Variants in STK32B observed in about 807,000 individuals in gnomAD.
STK32B encodes the protein serine/threonine-protein kinase 32B.
In STK32B, 43 loss-of-function variants were observed where a neutral mutation model predicts 52.6. That is an observed-to-expected ratio of 0.82 (90% CI 0.64 to 1.05). STK32B has a LOEUF of 1.05. Ranked by LOEUF, STK32B falls within the 50% of genes least tolerant of loss-of-function variation. The pLI is 0.00. For synonymous variants in STK32B, 238 were observed against 204.3 expected (o/e 1.17, Z -1.41); for missense variants, 621 against 534.6 (o/e 1.16, Z -1.59).
At position 5,246,738 on chromosome 4, in the gene STK32B, C is replaced by T. The variant is rs140846179; in HGVS notation, c.260+78288C>T. Among the ~76,000 whole-genome samples, 286 of 152,304 alleles carry T rather than the reference C, an allele frequency of 1.9e-3. 6 individuals carry two copies. Among genetic ancestry groups the T allele is most frequent in the Admixed American group, 0.015 (229 of 15,300 alleles). On this transcript the variant is annotated intron_variant, in intron 3 of 11. Transcript: ENST00000282908. ...TTTGGTCTTTGATGATGGTGACATA[C>T]ATACGGGTTTTTGGTGTGGATGTCC...
intron 3 of STK32B, among the ~76,000 whole-genome samples, chr4:5,240,793 A>T (rs1186016419): frequency 6.6e-6 from 1 of 152,090 alleles, no homozygotes; most frequent in African/African-American, 2.4e-5. Context: ...TTCTGCTTTG[A>T]TGATTGTGCT....
intron 5 of STK32B, among the ~76,000 whole-genome samples, chr4:5,404,471 C>T (rs1019512586): frequency 1.3e-5 from 2 of 152,068 alleles, no homozygotes; most frequent in Admixed American, 6.5e-5. Flanking sequence ...TATTAGTTAT[C>T]CCTCAATCAA....
At chr4:5,447,777 G>T (rs78972239) in intron 7 of STK32B, among the ~76,000 whole-genome samples, 2 of 152,198 alleles carry the variant, frequency 1.3e-5, no homozygotes, top group Non-Finnish European at 1.5e-5. Flanking sequence ...GATCCTTTCT[G>T]TCTATTTAGC....
chr4:5,448,290 C>T (rs942599248), intron 7 of STK32B, among the ~76,000 whole-genome samples: 5 of 152,204 alleles, frequency 3.3e-5, no homozygotes, highest in Admixed American at 1.3e-4. Context: ...CTGTGAGCTG[C>T]TGCGGGGCTG....
At chr4:5,263,851 C>T (rs1577263430) in intron 3 of STK32B, among the ~76,000 whole-genome samples, 1 of 152,286 alleles carries the variant, frequency 6.6e-6, no homozygotes, top group East Asian at 1.9e-4. Flanking sequence ...TCACTGCCTT[C>T]CAGGAAACCA....
rs1359392795 is a variant in STK32B at position 5,058,005 on chromosome 4, A to T, written c.52+6090A>T. Among the ~76,000 whole-genome samples, 2 of 152,176 alleles carry T rather than the reference A, an allele frequency of 1.3e-5. No homozygotes were observed. Among genetic ancestry groups the T allele is most frequent in the Non-Finnish European group, 2.9e-5 (2 of 68,020 alleles). ...TTAGGCTGAGGTCATTCCCTTAGCT[A>T]GAGCCAACCAAGGAAAAGATGGATG... On this transcript the variant is annotated intron_variant, in intron 1 of 11. Coordinates refer to ENST00000282908, the MANE Select transcript of STK32B (RefSeq NM_018401.3). This position sits in a 1 kb window ranked among gnomAD's most constrained non-coding sequence, Gnocchi z 4.8.
At chr4:5,035,760 T>C in the STK32B span, among the ~76,000 whole-genome samples, 3 of 151,946 alleles carry the variant, frequency 2.0e-5, no homozygotes, top group Non-Finnish European at 2.9e-5. Context: ...TCATCAGAAA[T>C]GCAAATTAAA....
At chr4:5,493,402 A>T (rs962961056) in intron 11 of STK32B, among the ~76,000 whole-genome samples, 4 of 152,052 alleles carry the variant, frequency 2.6e-5, no homozygotes, top group African/African-American at 9.7e-5. Flanking sequence ...GGTAGTTTGT[A>T]TTTCTGTGGG....
intron 4 of STK32B, among the ~76,000 whole-genome samples, chr4:5,372,911 A>T (rs993919607): frequency 6.6e-6 from 1 of 152,226 alleles, no homozygotes; most frequent in Non-Finnish European, 1.5e-5. Context: ...TCTTCAGGAC[A>T]TAAGACCCAT....
intron 11 of STK32B, among the ~76,000 whole-genome samples, chr4:5,495,662 G>C (rs892428164): frequency 2.6e-5 from 4 of 152,128 alleles, no homozygotes; most frequent in African/African-American, 9.7e-5. Context: ...CTGCTTTTTA[G>C]AGTTTCCAGT....
At chr4:5,351,639 G>T (rs1733832144) in intron 4 of STK32B, among the ~76,000 whole-genome samples, 1 of 151,664 alleles carries the variant, frequency 6.6e-6, no homozygotes, top group African/African-American at 2.4e-5. Flanking sequence ...AATGAAATAG[G>T]GACTAAACAA....
chr4:5,188,436 G>A lies in STK32B; in HGVS notation c.260+19986G>A, dbSNP rs997433963. Among the ~76,000 whole-genome samples, 11 of 152,112 alleles carry A rather than the reference G, an allele frequency of 7.2e-5. 1 individual carries two copies. The highest frequency in any genetic ancestry group is 1.3e-4 in the Non-Finnish European group (9 of 68,026). On this transcript the variant is annotated intron_variant, in intron 3 of 11. Coordinates refer to ENST00000282908, the MANE Select transcript of STK32B (RefSeq NM_018401.3). ...CCCCATGGTTTCCCTGACGTCAGGC[G>A]CACATGCCCCTTCTCCGACCCACCT...
At chr4:5,438,824 T>A (rs1288902551) in intron 6 of STK32B, among the ~76,000 whole-genome samples, 1 of 152,186 alleles carries the variant, frequency 6.6e-6, no homozygotes, top group Non-Finnish European at 1.5e-5. Context: ...CATTGTTCAA[T>A]TCCCACCTAT....
At chr4:5,091,575 T>C (rs545406440) in intron 1 of STK32B, among the ~76,000 whole-genome samples, 4 of 152,268 alleles carry the variant, frequency 2.6e-5, no homozygotes, top group South Asian at 2.1e-4. Context: ...ATAGGAAATA[T>C]TGGCGATAAT....
intron 1 of STK32B, among the ~76,000 whole-genome samples, chr4:5,105,068 G>C (rs901066808): frequency 2.0e-5 from 3 of 152,196 alleles, no homozygotes; most frequent in African/African-American, 4.8e-5. Context: ...GGATCCCTTT[G>C]CTCCATATCC....
intron 3 of STK32B, among the ~76,000 whole-genome samples, chr4:5,304,775 G>T (rs61340259): frequency 0.13 from 19,383 of 151,822 alleles, 2,673 homozygotes; most frequent in African/African-American, 0.35. Flanking sequence ...ATCGGGGAGG[G>T]GGGGTGCTTT....
chr4:5,495,646 G>C (rs1196853522), intron 11 of STK32B, among the ~76,000 whole-genome samples: 1 of 152,120 alleles, frequency 6.6e-6, no homozygotes, highest in Non-Finnish European at 1.5e-5. Flanking sequence ...GAGGAGGAGA[G>C]GCACTCTGCT....
chr4:5,247,176 G>A (rs1243241126), intron 3 of STK32B, among the ~76,000 whole-genome samples: 2 of 152,238 alleles, frequency 1.3e-5, no homozygotes, highest in African/African-American at 4.8e-5. Flanking sequence ...CAGAGGTGGA[G>A]CCTACAGAGG....
chr4:5,377,782 A>G (rs1735677559), intron 4 of STK32B, among the ~76,000 whole-genome samples: 1 of 152,086 alleles, frequency 6.6e-6, no homozygotes. Context: ...ACCATGTAAG[A>G]CATGCCTCTT....
Sources: gnomAD v4.1 joint callset for allele counts (sites outside exome capture counted in the v4.1 genomes callset) on GRCh38, gnomAD v4.1.1 for gene constraint, Gnocchi (gnomAD v3.1) non-coding constraint, MANE v1.5 for transcripts, NCBI Gene and HGNC (gene_info 2026-07-23, HGNC 2026-07-21) for gene names.